RBFOX1: variants seen among roughly 807,000 people sequenced by gnomAD.
RBFOX1 encodes the protein RNA binding fox-1 homolog 1.
Under a neutral mutation model 57.7 loss-of-function variants are expected in RBFOX1, and 8 were observed. That is an observed-to-expected ratio of 0.14 (90% CI 0.08 to 0.25). RBFOX1 has a LOEUF of 0.25. RBFOX1 is among the 10% of genes least tolerant of loss of function. The pLI, the probability that RBFOX1 is intolerant of heterozygous loss-of-function variation, is 1.00. For missense variants in RBFOX1, 611 were observed against 548.5 expected (o/e 1.11, Z -1.14); for synonymous variants, 326 against 222.4 (o/e 1.47, Z -4.15).
intron 3 of RBFOX1, among the ~76,000 whole-genome samples, chr16:6,932,902 T>C (rs910065457): frequency 1.3e-5 from 2 of 152,212 alleles, no homozygotes; most frequent in Admixed American, 6.5e-5. Context: ...ACTCCCATTA[T>C]GTCTTCCCCC....
intron 3 of RBFOX1, among the ~76,000 whole-genome samples, chr16:6,695,662 G>A (rs138654292): frequency 1.9e-3 from 285 of 152,172 alleles, no homozygotes; most frequent in African/African-American, 6.0e-3. Flanking sequence ...CATAGTGTCC[G>A]GCCTATTGTT....
intron 3 of RBFOX1, among the ~76,000 whole-genome samples, chr16:6,849,585 C>T (rs939623415): frequency 3.3e-5 from 5 of 152,170 alleles, no homozygotes; most frequent in Non-Finnish European, 5.9e-5. Flanking sequence ...AGGAGAATTG[C>T]TTGAATGCAG....
intron 1 of RBFOX1, among the ~76,000 whole-genome samples, chr16:6,211,515 A>C (rs886148540): frequency 1.3e-5 from 2 of 152,054 alleles, no homozygotes; most frequent in African/African-American, 4.8e-5. Flanking sequence ...GGCGTGAGCC[A>C]CCTCGCCCAG....
Position 5,780,847 on chromosome 16 carries a change from A to T in RBFOX1, c.319-86456A>T, listed in dbSNP as rs78152697. 8.8e-3 allele frequency among the ~76,000 whole-genome samples: 1,346 copies of T among 152,312 alleles called. 5 individuals are homozygous for T. The highest frequency in any genetic ancestry group is 0.014 in the Middle Eastern group (4 of 294). The stretch of plus-strand genomic sequence containing the variant: ...CACTTCTTTGCTTTCTCCTCTTGAA[A>T]ACTGGTAGGTGCCATCGCTATCTGC... On this transcript the variant is annotated intron_variant, in intron 3 of 19. Transcript: ENST00000641259.
At chr16:5,807,640 C>T (rs529367602) in intron 3 of RBFOX1, among the ~76,000 whole-genome samples, 1 of 152,274 alleles carries the variant, frequency 6.6e-6, no homozygotes, top group Non-Finnish European at 1.5e-5. Flanking sequence ...GCTTTTAGAA[C>T]AGGGATCAAT....
At chr16:6,188,839 G>C (rs1420931453) in intron 1 of RBFOX1, among the ~76,000 whole-genome samples, 1 of 152,138 alleles carries the variant, frequency 6.6e-6, no homozygotes, top group Non-Finnish European at 1.5e-5. Flanking sequence ...TTTTTAGCCA[G>C]GTGTATCAGT....
chr16:7,144,417 CTTTTTTTTTT>C (rs1190886141), intron 4 of RBFOX1, among the ~76,000 whole-genome samples: 72 of 66,928 alleles, frequency 1.1e-3, no homozygotes, highest in African/African-American at 4.3e-3. Context: ...TTTCTTTCTT[CTTTTTTTTTT>C]TTTTTTTTTT....
chr16:5,736,173 C>A (rs2052563231), intron 3 of RBFOX1, among the ~76,000 whole-genome samples: 3 of 152,210 alleles, frequency 2.0e-5, no homozygotes, highest in African/African-American at 7.2e-5. Flanking sequence ...CCTGCCTTTG[C>A]CACAAGCCTG....
rs369045367 is a variant in RBFOX1 at position 7,484,652 on chromosome 16, C to T, written c.28-33495C>T. Among the ~76,000 whole-genome samples the T allele has an allele frequency of 4.5e-4, 68 of 152,238 alleles. No individual in the cohort carries two copies. The South Asian group carries it at 7.0e-3, about 16-fold the overall frequency. On this transcript the variant is annotated intron_variant, in intron 4 of 15. Coordinates refer to ENST00000550418, the MANE Select transcript of RBFOX1 (RefSeq NM_018723.4). ...TAATTTTTTGTATTTTTAGTAGAGA[C>T]AAGGTTTCACCATGTTGGTCAGGCT...
At chr16:5,823,797 T>C (rs1380203221) in intron 3 of RBFOX1, among the ~76,000 whole-genome samples, 1 of 152,202 alleles carries the variant, frequency 6.6e-6, no homozygotes, top group Non-Finnish European at 1.5e-5. Flanking sequence ...GACTGTCTAA[T>C]TGCAGGAAAA....
chr16:7,438,496 C>T (rs13334193), intron 4 of RBFOX1, among the ~76,000 whole-genome samples: 7 of 152,152 alleles, frequency 4.6e-5, no homozygotes, highest in Non-Finnish European at 8.8e-5. Context: ...GGGGATCAGA[C>T]TGGAACATCC....
chr16:7,638,607 A>T (rs2062188272), intron 11 of RBFOX1, among the ~76,000 whole-genome samples: 1 of 152,068 alleles, frequency 6.6e-6, no homozygotes, highest in African/African-American at 2.4e-5. Context: ...GGCTTAGCAA[A>T]ATTATTCTGT....
At chr16:5,316,654 A>G (rs1355043002) in intron 1 of RBFOX1, among the ~76,000 whole-genome samples, 2 of 152,214 alleles carry the variant, frequency 1.3e-5, no homozygotes, top group African/African-American at 2.4e-5. Flanking sequence ...TTGGGTGTCA[A>G]CTTGACTAAT....
intron 2 of RBFOX1, among the ~76,000 whole-genome samples, chr16:6,512,532 A>T (rs2096276387): frequency 6.6e-6 from 1 of 152,078 alleles, no homozygotes; most frequent in South Asian, 2.1e-4. Flanking sequence ...CTGGACCAAG[A>T]CTGGGTGTTG....
chr16:7,006,305 C>G (rs550128414), intron 3 of RBFOX1, among the ~76,000 whole-genome samples: 1 of 152,210 alleles, frequency 6.6e-6, no homozygotes, highest in Non-Finnish European at 1.5e-5. Context: ...CAGGTACACA[C>G]CAGTATACCC....
chr16:5,952,402 T>G lies in RBFOX1; in HGVS notation c.351+85067T>G, dbSNP rs372878320. Among the ~76,000 whole-genome samples the G allele has an allele frequency of 1.8e-4, 27 of 152,096 alleles. No homozygotes were observed. The East Asian group carries it at 2.1e-3, about 12-fold the overall frequency. ...CTGACCTCAAGCGATCTGTCCACCTTGGCCTCCTGAGTAGCTGGGATTATA... is the reference window on the plus strand; with the variant it reads ...CTGACCTCAAGCGATCTGTCCACCTGGGCCTCCTGAGTAGCTGGGATTATA... On this transcript the variant is annotated intron_variant, in intron 4 of 19. Transcript: ENST00000641259.
chr16:7,546,014 T>TTA (rs768325172), intron 5 of RBFOX1, among the ~76,000 whole-genome samples: 2 of 134,152 alleles, frequency 1.5e-5, no homozygotes, highest in South Asian at 2.3e-4. Flanking sequence ...TCTGAGCTTA[T>TTA]AAAAAAAAAA....
chr16:7,179,367 T>C (rs1347080664), intron 4 of RBFOX1, among the ~76,000 whole-genome samples: 2 of 152,162 alleles, frequency 1.3e-5, no homozygotes, highest in South Asian at 2.1e-4. Flanking sequence ...AACATAATTC[T>C]AAAAATCCCT....
At chr16:6,111,830 C>G (rs186373787) in intron 1 of RBFOX1, among the ~76,000 whole-genome samples, 118 of 152,262 alleles carry the variant, frequency 7.7e-4, no homozygotes, top group African/African-American at 2.6e-3. Context: ...TCAGTACCAT[C>G]TAAACTCTCT....
Sources: allele counts gnomAD v4.1 joint callset (sites outside exome capture counted in the v4.1 genomes callset), GRCh38; gene constraint gnomAD v4.1.1; transcripts MANE v1.5; gene names NCBI Gene and HGNC (gene_info 2026-07-23, HGNC 2026-07-21).